The following RANBP2 variants were observed in gnomAD, a reference collection of about 807,000 sequenced individuals.
RANBP2 encodes the protein E3 SUMO-protein ligase RanBP2.
In RANBP2, 57 loss-of-function variants were observed where a neutral mutation model predicts 303.6. That is an observed-to-expected ratio of 0.19 (90% CI 0.15 to 0.23). RANBP2 has a LOEUF of 0.23. Among genes scored for constraint, RANBP2 ranks in the 10% least tolerant of loss-of-function variants. The pLI is 1.00. For missense variants in RANBP2, 3,138 were observed against 3,780.8 expected (o/e 0.83, Z 4.46); for synonymous variants, 1,167 against 1,301.5 (o/e 0.90, Z 2.23).
At chr2:109,558,769 T>C in the RANBP2 span, among the ~76,000 whole-genome samples, 1 of 152,212 alleles carries the variant, frequency 6.6e-6, no homozygotes, top group African/African-American at 2.4e-5. Flanking sequence ...CCCAACAGGT[T>C]TGCGTAACTT....
chr2:109,502,543 A>G, the RANBP2 span: 1 of 152,142 alleles, frequency 6.6e-6, no homozygotes, highest in African/African-American at 2.4e-5. Context: ...CCCGCACCTC[A>G]GCGCTGGCCA....
chr2:109,135,099 T>G, the RANBP2 span, among the ~76,000 whole-genome samples: 1 of 152,218 alleles, frequency 6.6e-6, no homozygotes, highest in Admixed American at 6.5e-5. Context: ...TGGCTTCAGG[T>G]GTCACAGTCC....
chr2:109,135,120 C>A, the RANBP2 span, among the ~76,000 whole-genome samples: 1 of 152,200 alleles, frequency 6.6e-6, no homozygotes, highest in East Asian at 1.9e-4. Flanking sequence ...CATGACAACA[C>A]CCAGTAGTGG....
At chr2:108,852,006 G>A in the RANBP2 span, among the ~76,000 whole-genome samples, 1 of 152,138 alleles carries the variant, frequency 6.6e-6, no homozygotes, top group Non-Finnish European at 1.5e-5. Context: ...ACCTTCTTAA[G>A]CCTATTTTAT....
At chr2:108,867,894 C>G in the RANBP2 span, among the ~76,000 whole-genome samples, 103 of 152,296 alleles carry the variant, frequency 6.8e-4, no homozygotes, top group African/African-American at 2.4e-3. Context: ...TAGCATGTTA[C>G]TATCTGGGAG....
the RANBP2 span, chr2:109,432,524 A>G: frequency 1.2e-6 from 2 of 1,613,592 alleles, no homozygotes; most frequent in Admixed American, 3.3e-5. Flanking sequence ...TACGCCTACA[A>G]GCCCCAGAAG....
the RANBP2 span, among the ~76,000 whole-genome samples, chr2:109,213,086 A>G: frequency 6.6e-6 from 1 of 152,226 alleles, no homozygotes; most frequent in African/African-American, 2.4e-5. Flanking sequence ...ATCTGAAAGC[A>G]CAGTCAAGCA....
chr2:108,802,494 T>C, the RANBP2 span, among the ~76,000 whole-genome samples: 1 of 145,460 alleles, frequency 6.9e-6, no homozygotes, highest in Non-Finnish European at 1.5e-5. Flanking sequence ...CCTGAGACTT[T>C]GCTGAAGTTG....
the RANBP2 span, among the ~76,000 whole-genome samples, chr2:109,379,080 T>C: frequency 4.6e-5 from 7 of 152,212 alleles, no homozygotes; most frequent in Non-Finnish European, 1.0e-4. Flanking sequence ...GCCCATGTTA[T>C]GGGCTCCGCC....
At chr2:109,308,836 A>G in the RANBP2 span, among the ~76,000 whole-genome samples, 1 of 60,008 alleles carries the variant, frequency 1.7e-5, no homozygotes, top group Non-Finnish European at 2.6e-5. Context: ...GCCTTGTAGT[A>G]TAGTTTGAAG....
Position 108,755,040 on chromosome 2 carries a change from C to T in RANBP2, c.2338C>T (p.Pro780Ser). The change falls in exon 16 of 29, where the codon CCG (proline) becomes TCG (serine). Residue 780 changes from proline to serine, a missense_variant. Physicochemically the swap from Pro to Ser is moderately conservative, Grantham distance 74. This residue lies in a region of RANBP2 where 194 missense variants were observed against 197.4 expected (regional missense o/e 0.98). Transcript: ENST00000283195. ...NADSEIKHST[P>S]SPTRYSLSPS... ...AGATTCAGAAATAAAACATTCTACACCGTCTCCTACCAGATATTCACTATC... is the reference window on the plus strand; with the variant it reads ...AGATTCAGAAATAAAACATTCTACATCGTCTCCTACCAGATATTCACTATC... The T allele has an allele frequency of 6.2e-7, 1 of 1,611,880 alleles. No homozygotes were observed. Among genetic ancestry groups the T allele is most frequent in the Non-Finnish European group, 8.5e-7 (1 of 1,179,830 alleles).
the RANBP2 span, among the ~76,000 whole-genome samples, chr2:109,719,027 A>AAAAAAAAAAAAAC: frequency 8.5e-6 from 1 of 118,214 alleles, no homozygotes; most frequent in Non-Finnish European, 1.7e-5. Flanking sequence ...AAAAAAAAAA[A>AAAAAAAAAAAAAC]AGAAACAAAA....
chr2:109,133,892 T>A, the RANBP2 span, among the ~76,000 whole-genome samples: 1 of 152,196 alleles, frequency 6.6e-6, no homozygotes, highest in African/African-American at 2.4e-5. Flanking sequence ...GGCCCAGCCT[T>A]GCCAGGCTGT....
chr2:109,413,686 G>A, the RANBP2 span, among the ~76,000 whole-genome samples: 1 of 152,170 alleles, frequency 6.6e-6, no homozygotes, highest in Non-Finnish European at 1.5e-5. Flanking sequence ...CAGCACGCCT[G>A]CCCCCACCAG....
chr2:109,397,216 A>G, the RANBP2 span, among the ~76,000 whole-genome samples: 1 of 152,128 alleles, frequency 6.6e-6, no homozygotes, highest in Non-Finnish European at 1.5e-5. Context: ...ACTCAGAGAC[A>G]GCTCCCGCTT....
chr2:109,692,488 A>G, the RANBP2 span, among the ~76,000 whole-genome samples: 12 of 152,340 alleles, frequency 7.9e-5, no homozygotes, highest in African/African-American at 2.9e-4. Flanking sequence ...ATGTGAGAGC[A>G]GAACTGAGAG....
the RANBP2 span, among the ~76,000 whole-genome samples, chr2:109,237,381 A>G: frequency 6.6e-6 from 1 of 152,214 alleles, no homozygotes; most frequent in Non-Finnish European, 1.5e-5. Context: ...TCAAAGTAAC[A>G]AAGAGTATAA....
the RANBP2 span, chr2:108,923,553 A>G: frequency 5.2e-4 from 567 of 1,097,116 alleles, 9 homozygotes; most frequent in East Asian, 0.013. Context: ...CAGGCCCACA[A>G]TCAAGTCGGG....
chr2:109,606,435 A>T, the RANBP2 span, among the ~76,000 whole-genome samples: 1 of 152,296 alleles, frequency 6.6e-6, no homozygotes, highest in Non-Finnish European at 1.5e-5. Flanking sequence ...AATAAAAAAT[A>T]AAATGTGATA....
Sources: allele counts gnomAD v4.1 joint callset (sites outside exome capture counted in the v4.1 genomes callset), GRCh38; gene constraint gnomAD v4.1.1; regional missense constraint gnomAD v4.1.1; transcripts MANE v1.5; gene names NCBI Gene and HGNC (gene_info 2026-07-23, HGNC 2026-07-21).